The following ADGRV1 variants were observed in gnomAD, a reference collection of about 807,000 sequenced individuals.
ADGRV1 encodes adhesion G protein-coupled receptor V1.
A neutral mutation model predicts 596.2 loss-of-function variants in ADGRV1; 359 were observed. That is an observed-to-expected ratio of 0.60 (90% CI 0.55 to 0.66). The LOEUF (loss-of-function observed/expected upper bound fraction) is 0.66. ADGRV1 is among the 30% of genes least tolerant of loss of function. ADGRV1 has a pLI of 0.00. For missense variants in ADGRV1, 7,274 were observed against 7,575.6 expected (o/e 0.96, Z 1.48); for synonymous variants, 2,681 against 2,679.2 (o/e 1.00, Z -0.02).
At chr5:90,820,512 G>A (rs1470566462) in intron 75 of ADGRV1, among the ~76,000 whole-genome samples, 3 of 151,816 alleles carry the variant, frequency 2.0e-5, no homozygotes, top group Admixed American at 6.6e-5. Context: ...TCTTAGTCTC[G>A]ATGGTCTTTA....
rs73179713 is a variant in ADGRV1 at position 90,582,752 on chromosome 5, G to A, written c.22+23835G>A. On this transcript the variant is annotated intron_variant, in intron 1 of 89. Transcript: ENST00000405460. ...GCTAATTAAAAAACAAAACATTATT[G>A]TAAGATATGGGGTCTTTCTGTGTTG... Among the ~76,000 whole-genome samples the A allele has an allele frequency of 7.2e-3, 1,089 of 152,142 alleles. 10 individuals carry two copies. Among genetic ancestry groups the A allele is most frequent in the Middle Eastern group, 0.02 (6 of 294 alleles).
intron 85 of ADGRV1, among the ~76,000 whole-genome samples, chr5:90,993,960 CT>C (rs201150645): frequency 0.015 from 2,325 of 150,112 alleles, 32 homozygotes; most frequent in Non-Finnish European, 0.023. Context: ...CACAATTGAC[CT>C]GTCTTCACAT....
chr5:90,941,123 CA>C (rs1193422655), intron 83 of ADGRV1, among the ~76,000 whole-genome samples: 4 of 120,382 alleles, frequency 3.3e-5, no homozygotes, highest in African/African-American at 1.0e-4. Flanking sequence ...AAGATCATGG[CA>C]AGGAAAAGTA....
chr5:90,763,133 A>G, intron 58 of ADGRV1, 172 bp from the exon 59 acceptor site: 6 of 521,668 alleles, frequency 1.2e-5, no homozygotes, highest in Non-Finnish European at 1.0e-5. Context: ...TTGAGCATCT[A>G]GGAATAGAAA....
At chr5:90,995,736 G>T (rs1781359157) in intron 85 of ADGRV1, among the ~76,000 whole-genome samples, 1 of 152,198 alleles carries the variant, frequency 6.6e-6, no homozygotes, top group Non-Finnish European at 1.5e-5. Flanking sequence ...TGACCAAAGT[G>T]CTGATAGTGA....
chr5:90,566,726 T>A (rs537171739), intron 1 of ADGRV1, among the ~76,000 whole-genome samples: 34 of 152,180 alleles, frequency 2.2e-4, no homozygotes, highest in Non-Finnish European at 4.9e-4. Flanking sequence ...TTATGTATGG[T>A]GTTTTTAGGA....
rs1769333464 is a variant in ADGRV1, at chr5:90,877,578, G to A, written c.17856+13721G>A. 4.1e-5 allele frequency among the ~76,000 whole-genome samples: 6 copies of A among 144,850 alleles called. No individual in the cohort carries two copies. The South Asian group carries it at 1.1e-3, about 27-fold the overall frequency. On this transcript the variant is annotated intron_variant, in intron 83 of 89. Transcript: ENST00000405460. ...TCTGTTAGGCATCAGTAGGGTTTCA[G>A]TGTGTGGTTTTTTTTTTTTTCATTT...
chr5:91,155,342 G>A (rs1231494668), intron 89 of ADGRV1, among the ~76,000 whole-genome samples: 1 of 152,194 alleles, frequency 6.6e-6, no homozygotes, highest in Non-Finnish European at 1.5e-5. Context: ...AGGCTTAATG[G>A]TGTGTGGCCT....
intron 85 of ADGRV1, among the ~76,000 whole-genome samples, chr5:91,052,773 T>TAG (rs1786465793): frequency 6.6e-6 from 1 of 152,138 alleles, no homozygotes; most frequent in South Asian, 2.1e-4. Flanking sequence ...TTGTTAAAGA[T>TAG]GTCTATGTCA....
intron 87 of ADGRV1, among the ~76,000 whole-genome samples, chr5:91,146,904 G>T (rs1346142310): frequency 4.6e-5 from 7 of 152,196 alleles, no homozygotes; most frequent in Non-Finnish European, 1.0e-4. Flanking sequence ...GCTTGCACCT[G>T]TAATCCCAGC....
At chr5:90,571,164 G>T (rs1756477359) in intron 1 of ADGRV1, among the ~76,000 whole-genome samples, 1 of 151,916 alleles carries the variant, frequency 6.6e-6, no homozygotes. Flanking sequence ...GTCTCTGCTT[G>T]GTTAGCTTAG....
intron 30 of ADGRV1, 101 bp from the exon 31 acceptor site, chr5:90,690,695 TG>T: frequency 8.4e-7 from 1 of 1,195,124 alleles, no homozygotes; most frequent in Non-Finnish European, 1.2e-6. Flanking sequence ...CTACTTAGAT[TG>T]CTTAGGGGGG....
At chr5:90,972,915 T>A (rs1352227329) in intron 84 of ADGRV1, among the ~76,000 whole-genome samples, 1 of 152,156 alleles carries the variant, frequency 6.6e-6, no homozygotes, top group Non-Finnish European at 1.5e-5. Context: ...ATCCAAGAGC[T>A]GGTTTTTTGA....
chr5:90,955,923 A>G (rs1416959887), intron 83 of ADGRV1, among the ~76,000 whole-genome samples: 2 of 152,206 alleles, frequency 1.3e-5, no homozygotes, highest in Non-Finnish European at 2.9e-5. Context: ...TAGAGAAAAC[A>G]CATTAATTTC....
At chr5:91,125,352 A>C (rs1270291171) in intron 87 of ADGRV1, among the ~76,000 whole-genome samples, 1 of 152,160 alleles carries the variant, frequency 6.6e-6, no homozygotes, top group Admixed American at 6.5e-5. Flanking sequence ...TTTCCCCCCA[A>C]AAGTAGCTAT....
At chr5:90,582,431 T>A (rs1758189126) in intron 1 of ADGRV1, among the ~76,000 whole-genome samples, 3 of 152,190 alleles carry the variant, frequency 2.0e-5, no homozygotes, top group African/African-American at 2.4e-5. Flanking sequence ...ATTGTACCCT[T>A]TATCATTCTG....
At chr5:90,836,505 A>G (rs1166039180) in intron 77 of ADGRV1, among the ~76,000 whole-genome samples, 2 of 152,182 alleles carry the variant, frequency 1.3e-5, no homozygotes, top group Non-Finnish European at 2.9e-5. Context: ...TTCCATTTCT[A>G]TAATATTATT....
At chr5:90,782,400 C>G (rs1333173320) in intron 65 of ADGRV1, among the ~76,000 whole-genome samples, 1 of 151,864 alleles carries the variant, frequency 6.6e-6, no homozygotes, top group East Asian at 1.9e-4. Context: ...GGAATTTTTT[C>G]AGTTCATTGT....
chr5:91,066,398 G>A (rs897584065), intron 85 of ADGRV1, among the ~76,000 whole-genome samples: 21 of 152,110 alleles, frequency 1.4e-4, no homozygotes, highest in African/African-American at 1.2e-4. Context: ...TCTGGTTGGC[G>A]AGGCTACTTT....
Sources: gnomAD v4.1 joint callset for allele counts (sites outside exome capture counted in the v4.1 genomes callset) on GRCh38, gnomAD v4.1.1 for gene constraint, MANE v1.5 for transcripts, NCBI Gene and HGNC (gene_info 2026-07-23, HGNC 2026-07-21) for gene names.